The following CNTN1 variants were observed in gnomAD, a reference collection of about 807,000 sequenced individuals.
CNTN1 encodes contactin-1.
Under a neutral mutation model 126.4 loss-of-function variants are expected in CNTN1, and 38 were observed. The observed-to-expected ratio is 0.30, with a 90% confidence interval of 0.23 to 0.39. The LOEUF (loss-of-function observed/expected upper bound fraction) is 0.39. CNTN1 is among the 10% of genes least tolerant of loss of function. CNTN1 has a pLI of 1.00. For missense variants in CNTN1, 1,009 were observed against 1,248.4 expected, an observed-to-expected ratio of 0.81 and a Z score of 2.89; for synonymous variants, 413 against 422.6, an observed-to-expected ratio of 0.98 and a Z score of 0.28.
chr12:41,053,823 C>A (rs543493379), intron 23 of CNTN1, among the ~76,000 whole-genome samples: 2 of 151,750 alleles, frequency 1.3e-5, no homozygotes, highest in East Asian at 3.9e-4. Context: ...CTTACTCTGA[C>A]TTTTTAATCC....
At chr12:41,035,402 C>T (rs1949235427) in intron 23 of CNTN1, among the ~76,000 whole-genome samples, 1 of 152,122 alleles carries the variant, frequency 6.6e-6, no homozygotes, top group Non-Finnish European at 1.5e-5. Flanking sequence ...TTTTCAAAAA[C>T]ATTTTGTTCT....
At chr12:40,914,545 G>C (rs1188487139) in intron 3 of CNTN1, among the ~76,000 whole-genome samples, 1 of 152,128 alleles carries the variant, frequency 6.6e-6, no homozygotes, top group Non-Finnish European at 1.5e-5. Flanking sequence ...GAAGAATATA[G>C]TTATGAAATA....
intron 1 of CNTN1, among the ~76,000 whole-genome samples, chr12:40,737,950 G>A (rs1490635712): frequency 6.6e-6 from 1 of 151,958 alleles, no homozygotes; most frequent in Non-Finnish European, 1.5e-5. Flanking sequence ...GTTCTGTATT[G>A]AGGCATCATA....
chr12:40,902,344 G>T (rs1004207612), intron 1 of CNTN1, among the ~76,000 whole-genome samples: 6 of 152,130 alleles, frequency 3.9e-5, no homozygotes, highest in African/African-American at 1.4e-4. Flanking sequence ...AGAGGAAATT[G>T]TCCCTCAGTT....
At chr12:40,725,208 C>A (rs1942318447) in intron 1 of CNTN1, among the ~76,000 whole-genome samples, 1 of 151,898 alleles carries the variant, frequency 6.6e-6, no homozygotes, top group African/African-American at 2.4e-5. Context: ...TCGAGACCAG[C>A]CTGACCAACA....
At chr12:40,703,144 A>G (rs1941643970) in intron 1 of CNTN1, among the ~76,000 whole-genome samples, 1 of 152,122 alleles carries the variant, frequency 6.6e-6, no homozygotes, top group Non-Finnish European at 1.5e-5. Flanking sequence ...TATTCTCCCT[A>G]GTACTATTAT....
chr12:40,746,675 C>T (rs1423906141), intron 1 of CNTN1, among the ~76,000 whole-genome samples: 3 of 152,052 alleles, frequency 2.0e-5, no homozygotes, highest in African/African-American at 4.8e-5. Flanking sequence ...CCTACATGCA[C>T]GGTGGTCTGC....
intron 1 of CNTN1, among the ~76,000 whole-genome samples, chr12:40,802,047 T>C (rs1400856747): frequency 6.6e-6 from 1 of 151,638 alleles, no homozygotes; most frequent in African/African-American, 2.4e-5. Flanking sequence ...CATGAGCAGA[T>C]GGTGTAGGAT....
chr12:40,972,669 C>T, intron 15 of CNTN1: 1 of 963,594 alleles, frequency 1.0e-6, no homozygotes, highest in Non-Finnish European at 1.2e-6. Flanking sequence ...GTCTCAATTA[C>T]TGTTCCAAAA....
At chr12:40,839,886 G>A (rs1008457902) in intron 1 of CNTN1, among the ~76,000 whole-genome samples, 1 of 152,034 alleles carries the variant, frequency 6.6e-6, no homozygotes, top group African/African-American at 2.4e-5. Flanking sequence ...CAGTGCCACT[G>A]CAGAAATCCA....
At chr12:40,723,985 T>C (rs1942286044) in intron 1 of CNTN1, among the ~76,000 whole-genome samples, 1 of 152,004 alleles carries the variant, frequency 6.6e-6, no homozygotes, top group African/African-American at 2.4e-5. Context: ...ACAGAGAGAG[T>C]TACAAATTAT....
At chr12:40,924,723 T>G in intron 6 of CNTN1, 71 bp downstream of exon 6, 1 of 799,346 alleles carries the variant, frequency 1.3e-6, no homozygotes, top group Middle Eastern at 2.3e-4. Context: ...TTCTTAGTAA[T>G]AATGCTACAT....
chr12:40,765,168 G>T (rs1351773267), intron 1 of CNTN1, among the ~76,000 whole-genome samples: 1 of 152,012 alleles, frequency 6.6e-6, no homozygotes, highest in Non-Finnish European at 1.5e-5. Context: ...GCAGAATATG[G>T]TAAATAAAGG....
intron 17 of CNTN1, among the ~76,000 whole-genome samples, chr12:41,007,909 T>C (rs1292256597): frequency 6.6e-6 from 1 of 152,214 alleles, no homozygotes; most frequent in Non-Finnish European, 1.5e-5. Context: ...TACAGGCTGC[T>C]CTTTGTTAGA....
At chr12:40,848,159 G>A (rs539347949) in intron 1 of CNTN1, among the ~76,000 whole-genome samples, 3 of 152,222 alleles carry the variant, frequency 2.0e-5, no homozygotes, top group Non-Finnish European at 2.9e-5. Context: ...TTTTTTCTAG[G>A]AATAGTCAGC....
chr12:41,041,873 G>C (rs1252234593), intron 23 of CNTN1, among the ~76,000 whole-genome samples: 1 of 151,938 alleles, frequency 6.6e-6, no homozygotes, highest in African/African-American at 2.4e-5. Flanking sequence ...CTAGCTCCTG[G>C]GGGCTTTAAT....
chr12:40,945,225 C>T lies in CNTN1; in HGVS notation c.1683+1055C>T, dbSNP rs150456154. 7.1e-3 allele frequency among the ~76,000 whole-genome samples: 1,073 copies of T among 152,116 alleles called. 13 individuals carry two copies. Among genetic ancestry groups the T allele is most frequent in the Non-Finnish European group, 8.6e-3 (583 of 67,944 alleles). The stretch of plus-strand genomic sequence containing the variant: ...GAGAACTGTAAATTTTGTATTTTGA[C>T]ATTATATACCATGTAATATATTTTC... On this transcript the variant is annotated intron_variant, in intron 14 of 23. Coordinates refer to ENST00000551295, the MANE Select transcript of CNTN1 (RefSeq NM_001843.4).
intron 15 of CNTN1, among the ~76,000 whole-genome samples, chr12:40,964,910 G>A (rs529423156): frequency 1.1e-4 from 17 of 152,206 alleles, no homozygotes; most frequent in African/African-American, 3.8e-4. Context: ...TTTACTCCCA[G>A]CTGGTTTACA....
intron 1 of CNTN1, among the ~76,000 whole-genome samples, chr12:40,876,103 C>CG (rs1424035368): frequency 6.7e-6 from 1 of 150,204 alleles, no homozygotes; most frequent in Non-Finnish European, 1.5e-5. Context: ...CACAAAATAG[C>CG]TACAGGTTAA....
Sources: gnomAD v4.1 joint callset for allele counts (sites outside exome capture counted in the v4.1 genomes callset) on GRCh38, gnomAD v4.1.1 for gene constraint, MANE v1.5 for transcripts, NCBI Gene and HGNC (gene_info 2026-07-23, HGNC 2026-07-21) for gene names.